The following FAM13A variants were observed in gnomAD, a reference collection of about 807,000 sequenced individuals.
FAM13A encodes family with sequence similarity 13 member A.
In FAM13A, 76 loss-of-function variants were observed where a neutral mutation model predicts 129.6. The observed-to-expected ratio is 0.59, with a 90% confidence interval of 0.49 to 0.71. The LOEUF (loss-of-function observed/expected upper bound fraction) is 0.71. Ranked by LOEUF, FAM13A falls within the 30% of genes least tolerant of loss-of-function variation. FAM13A has a pLI of 0.00. For missense variants in FAM13A, 1,108 were observed against 1,249.3 expected, an observed-to-expected ratio of 0.89 and a Z score of 1.70; for synonymous variants, 443 against 449.9, an observed-to-expected ratio of 0.98 and a Z score of 0.20.
intron 23 of FAM13A, chr4:88,729,242 G>C (rs1737100145): frequency 1.3e-5 from 2 of 152,398 alleles, no homozygotes; most frequent in Non-Finnish European, 2.9e-5. Flanking sequence ...CAAGCCCTGT[G>C]CTAAGTACTT....
At chr4:89,028,303 G>C (rs1768245222) in intron 2 of FAM13A, among the ~76,000 whole-genome samples, 1 of 151,836 alleles carries the variant, frequency 6.6e-6, no homozygotes, top group East Asian at 1.9e-4. Flanking sequence ...ACAGGTAAGA[G>C]TGAAACCTTA....
Position 88,737,558 on chromosome 4 carries a change from GT to G in FAM13A, c.2563-4del. The G allele has an allele frequency of 6.2e-7, 1 of 1,613,634 alleles. No homozygotes were observed. Reference sequence around the variant, plus strand: ...CTCCGCTTGCTGGAGGGGGAACCCTGTGACAGGTGTTAACAAGTAGGTTACA... The same window carrying G: ...CTCCGCTTGCTGGAGGGGGAACCCTGGACAGGTGTTAACAAGTAGGTTACA... On this transcript the variant is annotated splice_polypyrimidine_tract_variant and splice_region_variant and intron_variant, in intron 20 of 23. Coordinates refer to ENST00000264344, the MANE Select transcript of FAM13A (RefSeq NM_014883.4).
At chr4:89,046,551 T>TA (rs1393222281) in intron 1 of FAM13A, among the ~76,000 whole-genome samples, 1 of 152,050 alleles carries the variant, frequency 6.6e-6, no homozygotes, top group Non-Finnish European at 1.5e-5. Context: ...AGAAATTTTT[T>TA]AAAAAAAGAA....
At chr4:88,994,007 C>T (rs1259040547) in intron 3 of FAM13A, among the ~76,000 whole-genome samples, 1 of 150,780 alleles carries the variant, frequency 6.6e-6, no homozygotes, top group African/African-American at 2.4e-5. Flanking sequence ...AAAAAAAAAT[C>T]ATTCATGGCC....
In FAM13A at chr4:89,056,882, G is replaced by A. The variant is rs370683901; in HGVS notation, c.27+56C>T. ...ATCTCATCAAAACAAGGAAGGCAAG[G>A]CCCTCTCCTAAAAACTGGCAGTAAA... On this transcript the variant is annotated intron_variant, in intron 1 of 23. Transcript: ENST00000264344. 67 of 1,528,720 alleles carry A rather than the reference G, an allele frequency of 4.4e-5. No individual in the cohort carries two copies. In the African/African-American group the frequency reaches 6.4e-4, roughly 15 times the overall value. 94.7% of individuals were successfully genotyped at this position (1,528,720 alleles called of 1,614,324 possible). A position where few individuals can be genotyped will look rare whatever the true frequency, so the allele number is the denominator to read the frequency against.
chr4:88,983,168 A>T (rs545843159), intron 4 of FAM13A, among the ~76,000 whole-genome samples: 1 of 152,070 alleles, frequency 6.6e-6, no homozygotes, highest in Admixed American at 6.6e-5. Flanking sequence ...GTACTACCCA[A>T]TAAAACTTCT....
intron 4 of FAM13A, among the ~76,000 whole-genome samples, chr4:88,976,100 T>C (rs1051650624): frequency 3.3e-5 from 5 of 152,322 alleles, no homozygotes; most frequent in Admixed American, 6.5e-5. Flanking sequence ...TCTGAAACCA[T>C]GTTTGAAAGA....
At chr4:88,874,360 G>A (rs1013716659) in intron 6 of FAM13A, among the ~76,000 whole-genome samples, 4 of 152,206 alleles carry the variant, frequency 2.6e-5, no homozygotes, top group South Asian at 2.1e-4. Flanking sequence ...GTCTCTGTTT[G>A]CAGATGACAT....
chr4:88,740,879 T>C (rs1740099915), intron 19 of FAM13A, among the ~76,000 whole-genome samples: 1 of 152,220 alleles, frequency 6.6e-6, no homozygotes, highest in African/African-American at 2.4e-5. Context: ...CTATGTACTA[T>C]ACCATGAGGA....
At chr4:89,021,317 A>G (rs571595023) in intron 2 of FAM13A, among the ~76,000 whole-genome samples, 1 of 152,300 alleles carries the variant, frequency 6.6e-6, no homozygotes, top group South Asian at 2.1e-4. Context: ...CTGTGAAACC[A>G]ATGAAGCTTG....
intron 4 of FAM13A, among the ~76,000 whole-genome samples, chr4:88,939,209 C>A (rs1057378202): frequency 6.6e-6 from 1 of 152,158 alleles, no homozygotes; most frequent in Non-Finnish European, 1.5e-5. Context: ...CTGGGCTATA[C>A]TCCCTGTGAA....
At chr4:89,005,151 G>A (rs925064658) in intron 3 of FAM13A, among the ~76,000 whole-genome samples, 3 of 152,148 alleles carry the variant, frequency 2.0e-5, no homozygotes, top group African/African-American at 7.2e-5. Flanking sequence ...CCACTTATAA[G>A]TGAGAACAAG....
chr4:89,037,630 A>AATGTT (rs1484022095), intron 1 of FAM13A, among the ~76,000 whole-genome samples: 1 of 152,160 alleles, frequency 6.6e-6, no homozygotes, highest in African/African-American at 2.4e-5. Context: ...CATGAGATTT[A>AATGTT]AGAAGGGCCA....
At chr4:88,822,850 T>C (rs1010180271) in intron 7 of FAM13A, 3 of 1,329,308 alleles carry the variant, frequency 2.3e-6, no homozygotes, top group South Asian at 1.6e-5. Flanking sequence ...GGAGGAACCA[T>C]ATGTACAACG....
intron 3 of FAM13A, among the ~76,000 whole-genome samples, chr4:89,019,457 TA>T (rs1418755296): frequency 2.0e-5 from 3 of 152,156 alleles, no homozygotes; most frequent in African/African-American, 7.2e-5. Context: ...CTATAATTAT[TA>T]CACTTAAAAA....
At position 88,747,019 on chromosome 4, in the gene FAM13A, T is replaced by C; in HGVS notation, c.2383-4A>G. 6.3e-7 allele frequency: 1 copy of C among 1,587,112 alleles called. No homozygotes were observed. The highest frequency in any genetic ancestry group is 8.7e-7 in the Non-Finnish European group (1 of 1,155,632). On this transcript the variant is annotated splice_polypyrimidine_tract_variant and splice_region_variant and intron_variant, in intron 18 of 23. Transcript: ENST00000264344. ...CAATCTGGTCTTTGGTCATATCCTG[T>C]ATAAACACAGGGATAGAGAATTGAA...
At chr4:88,739,885 T>C (rs910144854) in intron 19 of FAM13A, among the ~76,000 whole-genome samples, 2 of 151,550 alleles carry the variant, frequency 1.3e-5, no homozygotes, top group African/African-American at 4.9e-5. Flanking sequence ...TGGCAAACAG[T>C]GGGTATTCAA....
At chr4:88,880,305 C>G (rs1743301573) in intron 6 of FAM13A, among the ~76,000 whole-genome samples, 1 of 152,266 alleles carries the variant, frequency 6.6e-6, no homozygotes, top group African/African-American at 2.4e-5. Flanking sequence ...GCCCCGAACA[C>G]ACACCCTCAC....
At chr4:88,872,653 T>G (rs1397628301) in intron 6 of FAM13A, among the ~76,000 whole-genome samples, 5 of 152,208 alleles carry the variant, frequency 3.3e-5, no homozygotes, top group Non-Finnish European at 7.3e-5. Context: ...CTTAGACACC[T>G]GCAAAGAGAT....
Sources: gnomAD v4.1 joint callset for allele counts (sites outside exome capture counted in the v4.1 genomes callset) on GRCh38, gnomAD v4.1.1 for gene constraint, MANE v1.5 for transcripts, NCBI Gene and HGNC (gene_info 2026-07-23, HGNC 2026-07-21) for gene names.